The following RGS6 variants were observed in gnomAD, a reference collection of about 807,000 sequenced individuals.
RGS6 encodes regulator of G-protein signaling 6.
RGS6 carries 30 observed loss-of-function variants against 78.5 expected under a neutral mutation model. The ratio of observed to expected loss-of-function variants is 0.38; its 90% CI spans 0.29 to 0.52. RGS6 has a LOEUF of 0.52. Ranked by LOEUF, RGS6 falls within the 20% of genes least tolerant of loss-of-function variation. The pLI, the probability that RGS6 is intolerant of heterozygous loss-of-function variation, is 0.85. For missense variants in RGS6, 495 were observed against 609.7 expected (o/e 0.81, Z 1.98); for synonymous variants, 206 against 206.0 (o/e 1.00, Z 0.00).
At chr14:71,956,357 G>GTGTGTA (rs1555400488) in intron 1 of RGS6, among the ~76,000 whole-genome samples, 32 of 150,592 alleles carry the variant, frequency 2.1e-4, no homozygotes, top group African/African-American at 5.1e-4. Flanking sequence ...GTGTGTGTGT[G>GTGTGTA]TATATTCTAT....
intron 2 of RGS6, among the ~76,000 whole-genome samples, chr14:72,001,502 AC>A (rs1292762823): frequency 2.6e-4 from 38 of 145,876 alleles, no homozygotes; most frequent in Admixed American, 4.0e-4. Flanking sequence ...ACACACACAC[AC>A]ACACACACAC....
At chr14:72,575,923 C>A in the RGS6 span, among the ~76,000 whole-genome samples, 1 of 152,242 alleles carries the variant, frequency 6.6e-6, no homozygotes, top group South Asian at 2.1e-4. Flanking sequence ...TGGCATCCCA[C>A]CCGTCCTTCC....
chr14:72,023,006 G>A (rs901026831), intron 2 of RGS6, among the ~76,000 whole-genome samples: 6 of 152,114 alleles, frequency 3.9e-5, no homozygotes, highest in African/African-American at 7.2e-5. Context: ...CTTCGTCTGT[G>A]TTCATCTATA....
intron 2 of RGS6, among the ~76,000 whole-genome samples, chr14:71,985,390 G>A (rs2094659506): frequency 6.6e-6 from 1 of 152,160 alleles, no homozygotes; most frequent in African/African-American, 2.4e-5. Context: ...CCAGAGTGCG[G>A]GGATTACAGC....
intron 2 of RGS6, among the ~76,000 whole-genome samples, chr14:72,197,836 G>A (rs2153731566): frequency 6.6e-6 from 1 of 152,134 alleles, no homozygotes; most frequent in East Asian, 1.9e-4. Context: ...AGGGATCACT[G>A]GGGAATGATG....
chr14:72,331,023 G>T (rs1472819770), intron 2 of RGS6, among the ~76,000 whole-genome samples: 1 of 152,182 alleles, frequency 6.6e-6, no homozygotes, highest in Admixed American at 6.5e-5. Flanking sequence ...GGCCAGAGAG[G>T]GCTTTCGGCC....
At chr14:72,358,550 A>G (rs990049151) in intron 3 of RGS6, among the ~76,000 whole-genome samples, 13 of 152,234 alleles carry the variant, frequency 8.5e-5, no homozygotes, top group Admixed American at 1.3e-4. Flanking sequence ...TTAAGATTTA[A>G]TTAGTTACCT....
Position 72,472,962 on chromosome 14 carries a change from G to A in RGS6, c.618+9G>A. On this transcript the variant is annotated intron_variant, in intron 9 of 17. Coordinates refer to ENST00000553525, the MANE Select transcript of RGS6 (RefSeq NM_001204424.2). The stretch of plus-strand genomic sequence containing the variant: ...ATGTCCACAGGCCTGTGGTGAGAAA[G>A]CGCTACTCAATTCTCTAGATTTTTT... The A allele has an allele frequency of 6.3e-7, 1 of 1,577,722 alleles. No individual in the cohort carries two copies. Among genetic ancestry groups the A allele is most frequent in the Non-Finnish European group, 8.6e-7 (1 of 1,164,852 alleles).
intron 3 of RGS6, among the ~76,000 whole-genome samples, chr14:72,379,221 A>G (rs1260343444): frequency 6.6e-6 from 1 of 152,144 alleles, no homozygotes; most frequent in Non-Finnish European, 1.5e-5. Context: ...CCCACAGCTA[A>G]CATGGTACTG....
intron 3 of RGS6, among the ~76,000 whole-genome samples, chr14:72,406,654 G>A (rs934477962): frequency 6.6e-6 from 1 of 152,200 alleles, no homozygotes; most frequent in African/African-American, 2.4e-5. Flanking sequence ...TAGAGCTGGA[G>A]TGCAATTTTG....
chr14:72,021,028 T>C (rs1379849602), intron 2 of RGS6, among the ~76,000 whole-genome samples: 2 of 152,314 alleles, frequency 1.3e-5, no homozygotes, highest in Middle Eastern at 3.4e-3. Flanking sequence ...TCTTCCTCCT[T>C]GTGTCTTGCC....
At chr14:72,270,600 G>A (rs952200669) in intron 2 of RGS6, among the ~76,000 whole-genome samples, 16 of 152,240 alleles carry the variant, frequency 1.1e-4, no homozygotes, top group African/African-American at 3.4e-4. Context: ...CAGAGAAAGA[G>A]AATAAATTAT....
chr14:72,165,255 A>G (rs1451663811), intron 2 of RGS6, among the ~76,000 whole-genome samples: 1 of 152,212 alleles, frequency 6.6e-6, no homozygotes, highest in Non-Finnish European at 1.5e-5. Context: ...GCGTCTTTAC[A>G]CCAGCCAGGG....
chr14:72,489,163 C>A (rs1310944628), intron 12 of RGS6, among the ~76,000 whole-genome samples: 18 of 150,438 alleles, frequency 1.2e-4, no homozygotes, highest in Non-Finnish European at 3.0e-5. Context: ...GGGGCCCCCC[C>A]ACCGGCTGTT....
chr14:71,940,233 T>G lies in RGS6; in HGVS notation c.-21+7292T>G, dbSNP rs188386855. ...GATCATTTTCCTTTCCCGAGTGCAG[T>G]TACCCTGGTAAAAGACCAGAGGTCT... On this transcript the variant is annotated intron_variant, in intron 1 of 17. Coordinates refer to ENST00000553525, the MANE Select transcript of RGS6 (RefSeq NM_001204424.2). 4.2e-4 allele frequency among the ~76,000 whole-genome samples: 64 copies of G among 152,328 alleles called. 2 individuals are homozygous for G. Among genetic ancestry groups the G allele is most frequent in the African/African-American group, 1.5e-3 (61 of 41,578 alleles).
chr14:72,424,144 T>C (rs1018601988), intron 3 of RGS6, among the ~76,000 whole-genome samples: 1 of 152,178 alleles, frequency 6.6e-6, no homozygotes, highest in African/African-American at 2.4e-5. Flanking sequence ...TGGTAGGGCC[T>C]GGAGCTCTGC....
intron 2 of RGS6, among the ~76,000 whole-genome samples, chr14:72,293,183 T>C (rs974586950): frequency 6.6e-6 from 1 of 152,208 alleles, no homozygotes; most frequent in Non-Finnish European, 1.5e-5. Context: ...GTGTTCTTAC[T>C]GGGTATTCCC....
chr14:71,911,464 T>G, the RGS6 span, among the ~76,000 whole-genome samples: 2 of 152,202 alleles, frequency 1.3e-5, no homozygotes, highest in African/African-American at 4.8e-5. Flanking sequence ...CGGAGAAATA[T>G]GTCAGAAATA....
At chr14:72,554,129 T>G (rs2097540679) in intron 17 of RGS6, among the ~76,000 whole-genome samples, 1 of 152,250 alleles carries the variant, frequency 6.6e-6, no homozygotes, top group Non-Finnish European at 1.5e-5. Flanking sequence ...CGGCCCTCTT[T>G]GCATATGCAT....
Sources: allele counts gnomAD v4.1 joint callset (sites outside exome capture counted in the v4.1 genomes callset), GRCh38; gene constraint gnomAD v4.1.1; transcripts MANE v1.5; gene names NCBI Gene and HGNC (gene_info 2026-07-23, HGNC 2026-07-21).